ZNF148: variants seen among roughly 807,000 people sequenced by gnomAD.
ZNF148 encodes the protein Beta-Enolase Repressor Factor-1.
ZNF148 carries 7 observed loss-of-function variants against 67.7 expected under a neutral mutation model. The observed-to-expected ratio is 0.10, with a 90% CI of 0.06 to 0.19. The LOEUF is 0.19. ZNF148 is among the 10% of genes least tolerant of loss of function. The pLI, the probability that ZNF148 is intolerant of heterozygous loss-of-function variation, is 1.00. For synonymous variants in ZNF148, 333 were observed against 330.7 expected, an observed-to-expected ratio of 1.01 and a Z score of -0.08; for missense variants, 583 against 947.1, an observed-to-expected ratio of 0.62 and a Z score of 5.05.
chr3:125,273,766 A>C (rs7633384), intron 7 of ZNF148, among the ~76,000 whole-genome samples: 5,320 of 152,222 alleles, frequency 0.035, 300 homozygotes, highest in African/African-American at 0.12. Flanking sequence ...AGCGTGAGCC[A>C]CCGCACCCGG....
chr3:125,331,278 T>C (rs1451815124), intron 1 of ZNF148, 40 bp from the exon 2 acceptor site: 3 of 398,228 alleles, frequency 7.5e-6, no homozygotes, highest in African/African-American at 6.2e-5. Context: ...CCCAAAAGAA[T>C]CAGGATTAAA....
intron 4 of ZNF148, among the ~76,000 whole-genome samples, chr3:125,294,906 A>G (rs1180537529): frequency 6.6e-6 from 1 of 152,188 alleles, no homozygotes; most frequent in African/African-American, 2.4e-5. Context: ...CCAATAAACA[A>G]ACTAAAATTT....
intron 7 of ZNF148, among the ~76,000 whole-genome samples, chr3:125,276,728 C>T (rs1938097581): frequency 6.6e-6 from 1 of 152,080 alleles, no homozygotes; most frequent in Admixed American, 6.6e-5. Context: ...GCCACTGAGC[C>T]CAGCCCAGTT....
rs1488911464 is a variant in ZNF148 at position 125,325,474 on chromosome 3, C to CT, written c.-152-2031dup. Among the ~76,000 whole-genome samples the CT allele has an allele frequency of 5.9e-5, 9 of 151,306 alleles. No homozygotes were observed. The East Asian group carries it at 7.7e-4, about 13-fold the overall frequency. ...CAAAAACTTGCCAAACTTACTTTTA[C>CT]TTTTTTTTTGAGACAGAGTCTCACT... On this transcript the variant is annotated intron_variant, in intron 2 of 8. Coordinates refer to ENST00000360647, the MANE Select transcript of ZNF148 (RefSeq NM_021964.3).
intron 7 of ZNF148, among the ~76,000 whole-genome samples, chr3:125,265,220 C>T (rs1011616909): frequency 6.6e-6 from 1 of 152,218 alleles, no homozygotes; most frequent in Non-Finnish European, 1.5e-5. Flanking sequence ...AGCAAATTCT[C>T]CTACTAAATA....
chr3:125,318,139 C>T (rs1940607075), intron 3 of ZNF148, among the ~76,000 whole-genome samples: 2 of 152,278 alleles, frequency 1.3e-5, no homozygotes, highest in African/African-American at 4.8e-5. Context: ...ACCTTTCCCA[C>T]TTAAACTCTT....
At chr3:125,331,110 T>A (rs1212756241) in intron 2 of ZNF148, 48 bp downstream of exon 2, 2 of 398,366 alleles carry the variant, frequency 5.0e-6, no homozygotes, top group Non-Finnish European at 8.8e-6. Context: ...AACATGGGCA[T>A]CCATTACAGG....
intron 7 of ZNF148, among the ~76,000 whole-genome samples, chr3:125,266,969 A>G (rs1197222509): frequency 6.6e-6 from 1 of 152,072 alleles, no homozygotes; most frequent in Non-Finnish European, 1.5e-5. Context: ...AAATTCTTAT[A>G]AACACACACC....
At chr3:125,310,005 T>C (rs752544118) in intron 4 of ZNF148, among the ~76,000 whole-genome samples, 2 of 152,066 alleles carry the variant, frequency 1.3e-5, no homozygotes, top group Middle Eastern at 3.4e-3. Flanking sequence ...AACAGAATGG[T>C]AGCTAGAAAA....
chr3:125,236,578 T>C (rs1160795688), intron 7 of ZNF148, among the ~76,000 whole-genome samples: 3 of 152,196 alleles, frequency 2.0e-5, no homozygotes, highest in African/African-American at 7.2e-5. Flanking sequence ...TTAGATACTA[T>C]AAAATGTGCA....
chr3:125,239,200 T>G (rs554967143), intron 7 of ZNF148, among the ~76,000 whole-genome samples: 1 of 152,214 alleles, frequency 6.6e-6, no homozygotes, highest in African/African-American at 2.4e-5. Context: ...TGCACACTTA[T>G]GATAAACTTC....
intron 5 of ZNF148, among the ~76,000 whole-genome samples, chr3:125,286,609 AAAC>A (rs753527682): frequency 1.4e-4 from 21 of 152,370 alleles, no homozygotes; most frequent in Non-Finnish European, 2.5e-4. Context: ...TACAACTTTC[AAAC>A]AACATAATAA....
At chr3:125,336,128 G>C (rs1441050752) in intron 1 of ZNF148, among the ~76,000 whole-genome samples, 1 of 152,146 alleles carries the variant, frequency 6.6e-6, no homozygotes, top group Admixed American at 6.5e-5. Flanking sequence ...TCAATGAAAC[G>C]TGTAATGCTT....
At chr3:125,356,014 C>A (rs533154374) in intron 1 of ZNF148, among the ~76,000 whole-genome samples, 5 of 152,310 alleles carry the variant, frequency 3.3e-5, no homozygotes, top group Admixed American at 3.3e-4. Context: ...ACTCCCTATT[C>A]TAACCACTGA....
chr3:125,323,238 C>A, intron 3 of ZNF148, 71 bp downstream of exon 3: 2 of 461,396 alleles, frequency 4.3e-6, no homozygotes, highest in Non-Finnish European at 3.8e-6. Context: ...ATTCTAGCAG[C>A]TGAACACAAT....
intron 4 of ZNF148, among the ~76,000 whole-genome samples, chr3:125,294,413 A>T (rs1408217814): frequency 6.6e-6 from 1 of 152,248 alleles, no homozygotes; most frequent in South Asian, 2.1e-4. Context: ...ATACGGTTAC[A>T]TAAGTTTTAA....
intron 7 of ZNF148, among the ~76,000 whole-genome samples, chr3:125,271,768 C>A (rs1360763413): frequency 1.3e-5 from 2 of 152,174 alleles, no homozygotes; most frequent in Non-Finnish European, 2.9e-5. Context: ...CTATGATAAT[C>A]ATGAATTCTT....
At chr3:125,373,536 G>A (rs563562952) in intron 1 of ZNF148, among the ~76,000 whole-genome samples, 4 of 152,192 alleles carry the variant, frequency 2.6e-5, no homozygotes, top group African/African-American at 9.6e-5. Context: ...CTGACATAGA[G>A]ATGCTAATCC....
intron 2 of ZNF148, among the ~76,000 whole-genome samples, chr3:125,326,670 A>AGT (rs1032591479): frequency 2.7e-5 from 4 of 146,358 alleles, no homozygotes; most frequent in African/African-American, 1.0e-4. Context: ...TATATATATG[A>AGT]GTATATATAT....
Sources: allele counts gnomAD v4.1 joint callset (sites outside exome capture counted in the v4.1 genomes callset), GRCh38; gene constraint gnomAD v4.1.1; transcripts MANE v1.5; gene names NCBI Gene and HGNC (gene_info 2026-07-23, HGNC 2026-07-21).